The following GRIN2A variants were observed in gnomAD, a reference collection of about 807,000 sequenced individuals.
GRIN2A encodes the protein glutamate receptor ionotropic, NMDA 2A.
Under a neutral mutation model 113.4 loss-of-function variants are expected in GRIN2A, and 22 were observed. The ratio of observed to expected loss-of-function variants is 0.19; its 90% CI spans 0.14 to 0.28. The LOEUF (loss-of-function observed/expected upper bound fraction) is 0.28. Among genes scored for constraint, GRIN2A ranks in the 10% least tolerant of loss-of-function variants. GRIN2A has a pLI of 1.00. For synonymous variants in GRIN2A, 827 were observed against 738.4 expected, an observed-to-expected ratio of 1.12 and a Z score of -1.94; for missense variants, 1,502 against 1,887.0, an observed-to-expected ratio of 0.80 and a Z score of 3.78.
At chr16:10,107,727 G>T (rs182313864) in intron 2 of GRIN2A, among the ~76,000 whole-genome samples, 108 of 152,364 alleles carry the variant, frequency 7.1e-4, no homozygotes, top group Admixed American at 2.2e-3. Context: ...AGACAAGCAA[G>T]GGCCAGATTG....
Position 9,882,962 on chromosome 16 carries a change from G to A in GRIN2A, c.1122+8024C>T, listed in dbSNP as rs776835747. ...TTCTCCTCTAGAATACCTCCTTCCC[G>A]CTGCCAGTTGTTCCACATGATGTAG... On this transcript the variant is annotated intron_variant, in intron 4 of 12. Coordinates refer to ENST00000330684, the MANE Select transcript of GRIN2A (RefSeq NM_001134407.3). Among the ~76,000 whole-genome samples the A allele has an allele frequency of 3.1e-4, 47 of 152,212 alleles. 1 individual carries two copies. Among genetic ancestry groups the A allele is most frequent in the South Asian group, 1.9e-3 (9 of 4,812 alleles).
At chr16:10,022,308 C>T (rs1453501139) in intron 2 of GRIN2A, among the ~76,000 whole-genome samples, 2 of 151,944 alleles carry the variant, frequency 1.3e-5, no homozygotes, top group Middle Eastern at 3.4e-3. Context: ...TGTGCATGCA[C>T]ATATTCACAC....
At chr16:10,149,156 A>G (rs1299852353) in intron 2 of GRIN2A, among the ~76,000 whole-genome samples, 3 of 152,234 alleles carry the variant, frequency 2.0e-5, no homozygotes, top group Non-Finnish European at 4.4e-5. Context: ...ATGGTATTTG[A>G]ATGCACAAGA....
At chr16:10,040,582 A>G (rs2047145502) in intron 2 of GRIN2A, among the ~76,000 whole-genome samples, 1 of 151,760 alleles carries the variant, frequency 6.6e-6, no homozygotes, top group Admixed American at 6.6e-5. Context: ...TCACACACAC[A>G]CACACACAAA....
chr16:10,161,264 C>T lies in GRIN2A; in HGVS notation c.414+18734G>A, dbSNP rs150245010. ...CTTGCTGCTGCCATATGAAGAAGTA[C>T]ATGTTGGCTTCCCCTTCTGCCATGA... On this transcript the variant is annotated intron_variant, in intron 2 of 12. Transcript: ENST00000330684. 5.9e-4 allele frequency among the ~76,000 whole-genome samples: 90 copies of T among 152,306 alleles called. 1 individual carries two copies. Among genetic ancestry groups the T allele is most frequent in the African/African-American group, 2.2e-3 (90 of 41,570 alleles).
At chr16:10,028,979 T>C (rs1019633025) in intron 2 of GRIN2A, among the ~76,000 whole-genome samples, 1 of 152,194 alleles carries the variant, frequency 6.6e-6, no homozygotes, top group Non-Finnish European at 1.5e-5. Flanking sequence ...GTTAATCAAG[T>C]AATATAGGAA....
chr16:10,170,174 A>C (rs1289181499), intron 2 of GRIN2A, among the ~76,000 whole-genome samples: 1 of 152,200 alleles, frequency 6.6e-6, no homozygotes, highest in South Asian at 2.1e-4. Flanking sequence ...TGCATCTATG[A>C]GCCAGATTCA....
At chr16:10,132,669 T>C (rs903351769) in intron 2 of GRIN2A, among the ~76,000 whole-genome samples, 3 of 152,208 alleles carry the variant, frequency 2.0e-5, no homozygotes, top group African/African-American at 7.2e-5. Flanking sequence ...TGAACTTTCA[T>C]TGCCTCGGTT....
At chr16:10,145,169 G>A (rs532897684) in intron 2 of GRIN2A, among the ~76,000 whole-genome samples, 1 of 152,188 alleles carries the variant, frequency 6.6e-6, no homozygotes, top group African/African-American at 2.4e-5. Flanking sequence ...GGTTGCCAAG[G>A]GTTGGGGGCA....
Position 9,876,156 on chromosome 16 carries a change from C to G in GRIN2A, c.1122+14830G>C, listed in dbSNP as rs142297298. Among the ~76,000 whole-genome samples, 310 of 152,220 alleles carry G rather than the reference C, an allele frequency of 2.0e-3. 2 individuals are homozygous for G. The East Asian group carries it at 0.046, about 22-fold the overall frequency. The stretch of plus-strand genomic sequence containing the variant: ...CATAAAACCCCTCGTGGCTTGGATA[C>G]AATCCAAGGCTCAGGGCATAAAATC... On this transcript the variant is annotated intron_variant, in intron 4 of 12. Coordinates refer to ENST00000330684, the MANE Select transcript of GRIN2A (RefSeq NM_001134407.3).
At chr16:10,169,118 C>T (rs2049986690) in intron 2 of GRIN2A, among the ~76,000 whole-genome samples, 1 of 152,094 alleles carries the variant, frequency 6.6e-6, no homozygotes, top group South Asian at 2.1e-4. Flanking sequence ...CTCCCATATC[C>T]CCTCTGAGAT....
intron 11 of GRIN2A, among the ~76,000 whole-genome samples, chr16:9,769,451 C>A: frequency 9.5e-6 from 1 of 104,868 alleles, no homozygotes; most frequent in African/African-American, 3.3e-5. Context: ...GGAGTTTTGT[C>A]TTTTTTTTTT....
intron 2 of GRIN2A, among the ~76,000 whole-genome samples, chr16:10,103,778 T>C (rs954461852): frequency 3.3e-5 from 5 of 152,314 alleles, no homozygotes; most frequent in African/African-American, 1.2e-4. Context: ...GTAGATTTTG[T>C]CTCTATGGGC....
chr16:9,884,048 C>T (rs2043539930), intron 4 of GRIN2A, among the ~76,000 whole-genome samples: 1 of 152,174 alleles, frequency 6.6e-6, no homozygotes, highest in Non-Finnish European at 1.5e-5. Flanking sequence ...ATTTATCTCT[C>T]TCTTTCTCAA....
chr16:9,861,092 GC>G (rs1386425261), intron 4 of GRIN2A, among the ~76,000 whole-genome samples: 4 of 152,338 alleles, frequency 2.6e-5, no homozygotes, highest in Admixed American at 2.0e-4. Context: ...AGTTCAGGCT[GC>G]CTGTGCTCTA....
chr16:10,067,348 G>T (rs182692445), intron 2 of GRIN2A, among the ~76,000 whole-genome samples: 165 of 152,232 alleles, frequency 1.1e-3, no homozygotes, highest in Admixed American at 2.5e-3. Flanking sequence ...ACAAAAGTCT[G>T]TTTTGACAAG....
chr16:9,946,460 TC>T (rs2045019806), intron 2 of GRIN2A, among the ~76,000 whole-genome samples: 1 of 152,180 alleles, frequency 6.6e-6, no homozygotes, highest in Non-Finnish European at 1.5e-5. Context: ...CCCCTGGCCT[TC>T]TCTGTGCCTC....
At chr16:10,046,392 C>T (rs1596459387) in intron 2 of GRIN2A, among the ~76,000 whole-genome samples, 3 of 151,666 alleles carry the variant, frequency 2.0e-5, no homozygotes, top group Admixed American at 2.0e-4. Flanking sequence ...GGTCACCATA[C>T]CTTAAGACTC....
intron 2 of GRIN2A, among the ~76,000 whole-genome samples, chr16:10,118,051 C>T (rs950162865): frequency 6.6e-6 from 1 of 152,088 alleles, no homozygotes; most frequent in African/African-American, 2.4e-5. Context: ...TTCTCTGGAG[C>T]CCCTCTTCCT....
Sources: gnomAD v4.1 joint callset for allele counts (sites outside exome capture counted in the v4.1 genomes callset) on GRCh38, gnomAD v4.1.1 for gene constraint, MANE v1.5 for transcripts, NCBI Gene and HGNC (gene_info 2026-07-23, HGNC 2026-07-21) for gene names.